GAPVD1: variants seen among roughly 807,000 people sequenced by gnomAD.
GAPVD1 encodes the protein GTPase activating protein and VPS9 domains 1.
A neutral mutation model predicts 155.5 loss-of-function variants in GAPVD1; 35 were observed. The ratio of observed to expected loss-of-function variants is 0.23; its 90% CI spans 0.17 to 0.30. The LOEUF is 0.30. Ranked by LOEUF, GAPVD1 falls within the 10% of genes least tolerant of loss-of-function variation. The pLI is 1.00. For synonymous variants in GAPVD1, 636 were observed against 619.7 expected (o/e 1.03, Z -0.39); for missense variants, 1,429 against 1,775.7 (o/e 0.80, Z 3.51).
intron 17 of GAPVD1, among the ~76,000 whole-genome samples, chr9:125,338,598 C>T (rs541299721): frequency 6.6e-6 from 1 of 152,284 alleles, no homozygotes; most frequent in East Asian, 1.9e-4. Context: ...GAATGTTCCT[C>T]AGGTTAGGTT....
At position 125,332,255 on chromosome 9, in the gene GAPVD1, GCAAA is replaced by G. The variant is rs1312145154; in HGVS notation, c.2308+198_2308+201del. Reference sequence around the variant, plus strand: ...CTTATGGAGCCTGTTGAAGTAATTGGCAAACAGTCTCTCTACAACTGTTTCTGTT... The same window carrying G: ...CTTATGGAGCCTGTTGAAGTAATTGGCAGTCTCTCTACAACTGTTTCTGTT... On this transcript the variant is annotated intron_variant, in intron 14 of 27. Coordinates refer to ENST00000297933, the MANE Select transcript of GAPVD1 (RefSeq NM_001282680.3). 3.3e-5 allele frequency among the ~76,000 whole-genome samples: 5 copies of G among 152,154 alleles called. No homozygotes were observed. The East Asian group carries it at 7.7e-4, about 23-fold the overall frequency.
intron 20 of GAPVD1, 43 bp from the exon 21 acceptor site, chr9:125,349,347 A>G (rs1383700800): frequency 6.3e-7 from 1 of 1,580,430 alleles, no homozygotes. Context: ...TAATATTCCA[A>G]ATGAACCTGG....
intron 2 of GAPVD1, among the ~76,000 whole-genome samples, chr9:125,294,571 C>T (rs1839529375): frequency 6.6e-6 from 1 of 151,416 alleles, no homozygotes; most frequent in Non-Finnish European, 1.5e-5. Flanking sequence ...TGGTCTCAAA[C>T]TCCAGACGTT....
intron 4 of GAPVD1, among the ~76,000 whole-genome samples, chr9:125,301,335 C>G (rs571442749): frequency 6.6e-6 from 1 of 152,080 alleles, no homozygotes; most frequent in South Asian, 2.1e-4. Flanking sequence ...CTCCCAAAGT[C>G]TGGGATTACA....
intron 2 of GAPVD1, among the ~76,000 whole-genome samples, chr9:125,278,179 C>T (rs74803379): frequency 6.6e-5 from 10 of 152,272 alleles, no homozygotes; most frequent in African/African-American, 2.4e-4. Flanking sequence ...AGACACTCAT[C>T]TATTGTATGG....
At chr9:125,355,587 A>T (rs887496949) in intron 24 of GAPVD1, 57 bp from the exon 25 acceptor site, 5 of 1,056,972 alleles carry the variant, frequency 4.7e-6, no homozygotes, top group Admixed American at 2.5e-5. Context: ...TTTCCTTTTT[A>T]AAATTATTTA....
intron 2 of GAPVD1, among the ~76,000 whole-genome samples, chr9:125,288,212 A>G (rs1262368210): frequency 6.6e-6 from 1 of 151,542 alleles, no homozygotes; most frequent in African/African-American, 2.4e-5. Context: ...CCTGGGTTCA[A>G]GCGATTCTCC....
rs751904510 is a variant in GAPVD1, at chr9:125,326,571, C to T, written c.2014C>T (p.Arg672Cys). ...CTTTGACCCTAATATTGATGAAGAT[C>T]GCTTGCAAGAAATTGCAGGTAACTG... ...SDFDPNIDED[R>C]LQEIAGAAAE... The change falls in exon 12 of 28, where the codon CGC becomes TGC. Residue 672 changes from arginine (R) to cysteine (C), a missense_variant. By Grantham distance (180) the Arg-to-Cys change is radical. Coordinates refer to ENST00000297933, the MANE Select transcript of GAPVD1 (RefSeq NM_001282680.3). 29 of 1,611,444 alleles carry T rather than the reference C, an allele frequency of 1.8e-5. No individual in the cohort carries two copies. The highest frequency in any genetic ancestry group is 4.0e-5 in the African/African-American group (3 of 74,840).
chr9:125,314,179 C>T (rs925006105), intron 9 of GAPVD1, among the ~76,000 whole-genome samples: 2 of 152,048 alleles, frequency 1.3e-5, no homozygotes, highest in Admixed American at 1.3e-4. Flanking sequence ...AGTAGTATTC[C>T]TGCATTATAG....
chr9:125,269,223 C>G (rs776235003), intron 2 of GAPVD1, among the ~76,000 whole-genome samples: 1 of 152,034 alleles, frequency 6.6e-6, no homozygotes, highest in Non-Finnish European at 1.5e-5. Context: ...GCTACTTTGC[C>G]CAGCTGAGTC....
intron 18 of GAPVD1, chr9:125,342,002 A>T (rs909158799): frequency 4.9e-6 from 2 of 405,822 alleles, no homozygotes; most frequent in African/African-American, 4.1e-5. Flanking sequence ...ATTCCTGTTA[A>T]ATTATTCTTC....
At chr9:125,268,231 A>G (rs985743967) in intron 1 of GAPVD1, among the ~76,000 whole-genome samples, 12 of 139,510 alleles carry the variant, frequency 8.6e-5, no homozygotes, top group African/African-American at 2.8e-4. Flanking sequence ...ACTTTATTCT[A>G]CTGGTGCTTT....
intron 2 of GAPVD1, among the ~76,000 whole-genome samples, chr9:125,280,328 G>A (rs1280937392): frequency 8.7e-5 from 13 of 148,980 alleles, no homozygotes; most frequent in Admixed American, 5.3e-4. Flanking sequence ...CCCAGGAGGC[G>A]GAGGTTGTGG....
rs538029817 is a variant in GAPVD1, at chr9:125,293,601, C to A, written c.-149-1857C>A. Among the ~76,000 whole-genome samples the A allele has an allele frequency of 2.2e-4, 11 of 49,586 alleles. No homozygotes were observed. In the East Asian group the frequency reaches 4.6e-3, roughly 21 times the overall value. 32.5% of individuals were successfully genotyped at this position (49,586 alleles called of 152,430 possible). On this transcript the variant is annotated intron_variant, in intron 2 of 27. Coordinates refer to ENST00000297933, the MANE Select transcript of GAPVD1 (RefSeq NM_001282680.3). ...AGTAGCTGGGATGACAGGCAGCTGC[C>A]ACCATGCCCAGCTAATTTTATATAT...
rs1310257903 is a variant in GAPVD1 at position 125,307,460 on chromosome 9, G to A, written c.1164G>A (p.Val388=). ...ATGTTGTGATTGGGGGCCGTGCAGT[G>A]GAGACCCCTCCATTGTCTTCCGTCA... is the stretch of plus-strand genomic sequence containing the variant. ...FLDVVIGGRA[V]ETPPLSSVNL... The change falls in exon 7 of 28, where the codon GTG becomes GTA. Residue 388 remains valine, a synonymous_variant. Coordinates refer to ENST00000297933, the MANE Select transcript of GAPVD1 (RefSeq NM_001282680.3). 3.1e-6 allele frequency: 5 copies of A among 1,611,082 alleles called. No homozygotes were observed. The highest frequency in any genetic ancestry group is 3.3e-5 in the Admixed American group (2 of 59,966).
chr9:125,282,273 G>A (rs1374105344), intron 2 of GAPVD1, among the ~76,000 whole-genome samples: 5 of 151,974 alleles, frequency 3.3e-5, no homozygotes, highest in East Asian at 1.9e-4. Flanking sequence ...GCGAGACTCC[G>A]TCTCAAAAAA....
At chr9:125,349,295 G>A in intron 20 of GAPVD1, 95 bp from the exon 21 acceptor site, 1 of 987,724 alleles carries the variant, frequency 1.0e-6, no homozygotes, top group Non-Finnish European at 1.5e-6. Flanking sequence ...ATTAGTCAAT[G>A]GTAATTTATT....
At chr9:125,313,098 G>A (rs1455186790) in intron 9 of GAPVD1, among the ~76,000 whole-genome samples, 1 of 152,056 alleles carries the variant, frequency 6.6e-6, no homozygotes, top group Non-Finnish European at 1.5e-5. Context: ...GAGATTACAG[G>A]TGTGAGCCAC....
chr9:125,329,001 CA>C (rs1845666685), intron 12 of GAPVD1, among the ~76,000 whole-genome samples: 3 of 149,964 alleles, frequency 2.0e-5, no homozygotes, highest in African/African-American at 7.3e-5. Context: ...CGCGTGCCTG[CA>C]GTCGCAGGCA....
Sources: gnomAD v4.1 joint callset for allele counts (sites outside exome capture counted in the v4.1 genomes callset) on GRCh38, gnomAD v4.1.1 for gene constraint, MANE v1.5 for transcripts, NCBI Gene and HGNC (gene_info 2026-07-23, HGNC 2026-07-21) for gene names.